SBF2: variants seen among roughly 807,000 people sequenced by gnomAD.
SBF2 encodes the protein SET binding factor 2, also known as myotubularin-related protein 13.
A neutral mutation model predicts 225.2 loss-of-function variants in SBF2; 112 were observed. The observed-to-expected ratio is 0.50, with a 90% CI of 0.43 to 0.58. The LOEUF (loss-of-function observed/expected upper bound fraction) is 0.58, where lower values mean the gene tolerates loss of function less well. SBF2 is among the 20% of genes least tolerant of loss of function. The pLI is 0.00. For missense variants in SBF2, 1,996 were observed against 2,206.2 expected (o/e 0.90, Z 1.91); for synonymous variants, 763 against 773.3 (o/e 0.99, Z 0.22).
intron 1 of SBF2, among the ~76,000 whole-genome samples, chr11:10,214,266 C>T (rs1018513014): frequency 3.3e-5 from 5 of 152,120 alleles, no homozygotes; most frequent in African/African-American, 7.2e-5. Context: ...TTTCTAAATA[C>T]GCCTTGGAGA....
chr11:9,822,496 G>A (rs1190239911), intron 28 of SBF2, among the ~76,000 whole-genome samples: 2 of 152,222 alleles, frequency 1.3e-5, no homozygotes, highest in Admixed American at 6.5e-5. Context: ...TCCTGACCAC[G>A]TGATCCGCCC....
chr11:10,031,243 C>T, intron 3 of SBF2, 73 bp from the exon 4 acceptor site: 1 of 1,395,584 alleles, frequency 7.2e-7, no homozygotes, highest in Non-Finnish European at 1.0e-6. Flanking sequence ...AGATGAATAT[C>T]ACCTTAAATA....
intron 9 of SBF2, among the ~76,000 whole-genome samples, chr11:9,996,396 ATTTTGTT>A (rs1554978498): frequency 6.6e-6 from 1 of 150,858 alleles, no homozygotes; most frequent in Non-Finnish European, 1.5e-5. Context: ...TTTTTTGTTT[ATTTTGTT>A]TTTTGAGATG....
chr11:10,289,112 G>C (rs1316304092), intron 1 of SBF2, among the ~76,000 whole-genome samples: 1 of 152,202 alleles, frequency 6.6e-6, no homozygotes, highest in Admixed American at 6.5e-5. Flanking sequence ...GTGTGTCAGC[G>C]CTGACCTAAG....
chr11:10,288,859 C>G (rs891435018), intron 1 of SBF2, among the ~76,000 whole-genome samples: 1 of 152,194 alleles, frequency 6.6e-6, no homozygotes, highest in Admixed American at 6.5e-5. Context: ...TAGGTGGGCC[C>G]AGAAAAGGTA....
intron 6 of SBF2, among the ~76,000 whole-genome samples, chr11:10,024,619 C>T (rs1418240839): frequency 6.6e-6 from 1 of 152,070 alleles, no homozygotes; most frequent in Non-Finnish European, 1.5e-5. Flanking sequence ...CCTGCTTGTG[C>T]TTCCAAAGAG....
Position 9,821,631 on chromosome 11 carries a change from G to A in SBF2, c.3794-4607C>T, listed in dbSNP as rs563168291. ...AACGTCTCAAGCTGTGTTTTTCCAA[G>A]CTGCAGGATCCTCCTTAGTGGCTTG... On this transcript the variant is annotated intron_variant, in intron 28 of 39. Transcript: ENST00000256190. Among the ~76,000 whole-genome samples, 223 of 152,328 alleles carry A rather than the reference G, an allele frequency of 1.5e-3. 1 individual carries two copies. The highest frequency in any genetic ancestry group is 5.1e-3 in the African/African-American group (211 of 41,570).
At chr11:9,992,593 A>T in intron 11 of SBF2, 50 bp from the exon 12 acceptor site, 6 of 1,562,028 alleles carry the variant, frequency 3.8e-6, no homozygotes, top group Non-Finnish European at 4.4e-6. Context: ...GGTAACGGAC[A>T]AATGGTCAAA....
At chr11:10,038,784 C>A (rs530127015) in intron 3 of SBF2, among the ~76,000 whole-genome samples, 5 of 151,782 alleles carry the variant, frequency 3.3e-5, no homozygotes, top group Non-Finnish European at 7.4e-5. Flanking sequence ...TCACTGAGAA[C>A]TGCATAATTA....
intron 16 of SBF2, among the ~76,000 whole-genome samples, chr11:9,919,573 C>T (rs957344244): frequency 1.3e-5 from 2 of 151,962 alleles, no homozygotes; most frequent in Non-Finnish European, 2.9e-5. Flanking sequence ...GTAATTAGGT[C>T]GTAACAAAAC....
intron 22 of SBF2, among the ~76,000 whole-genome samples, chr11:9,848,939 G>A (rs1259033777): frequency 6.6e-6 from 1 of 152,194 alleles, no homozygotes; most frequent in African/African-American, 2.4e-5. Context: ...ATTTAAAAGA[G>A]AATACATTTT....
chr11:10,237,739 G>T (rs4910108), intron 1 of SBF2, among the ~76,000 whole-genome samples: 79,841 of 151,994 alleles, frequency 0.53, 21,259 homozygotes, highest in Admixed American at 0.61. Flanking sequence ...AGATTCTTTA[G>T]GCACCTTTGT....
Position 9,959,027 on chromosome 11 carries a change from T to C in SBF2, c.1860+2930A>G, listed in dbSNP as rs1450515920. 3.3e-5 allele frequency: 44 copies of C among 1,323,120 alleles called. No individual in the cohort carries two copies. The Admixed American group carries it at 6.9e-4, about 21-fold the overall frequency. 82.0% of individuals were successfully genotyped at this position (1,323,120 alleles called of 1,614,324 possible). A position where few individuals can be genotyped will look rare whatever the true frequency, so the allele number is the denominator to read the frequency against. ...ATGTATTTCAGACCATTCTCCCGCA[T>C]GGCCTTGGTGCTAATGTTGGTATGG... On this transcript the variant is annotated intron_variant, in intron 16 of 39. Coordinates refer to ENST00000256190, the MANE Select transcript of SBF2 (RefSeq NM_030962.4).
At chr11:9,939,994 T>C (rs1376781759) in intron 16 of SBF2, among the ~76,000 whole-genome samples, 1 of 152,180 alleles carries the variant, frequency 6.6e-6, no homozygotes, top group East Asian at 1.9e-4. Flanking sequence ...CTGAATCTCT[T>C]GATATTATAT....
At position 10,143,176 on chromosome 11, in the gene SBF2, AT is replaced by A. The variant is rs201123812; in HGVS notation, c.141+50725del. ...ACATTGTAGGCTCTAGTCAATTATG[AT>A]TTTTTTTTTTTGAGACAGAATTTTG... On this transcript the variant is annotated intron_variant, in intron 2 of 39. Transcript: ENST00000256190. 7.6e-3 allele frequency among the ~76,000 whole-genome samples: 1,119 copies of A among 147,118 alleles called. 7 individuals carry two copies. Among genetic ancestry groups the A allele is most frequent in the East Asian group, 9.1e-3 (46 of 5,062 alleles).
At chr11:10,006,731 T>C (rs1218397368) in intron 6 of SBF2, among the ~76,000 whole-genome samples, 1 of 152,236 alleles carries the variant, frequency 6.6e-6, no homozygotes, top group Non-Finnish European at 1.5e-5. Context: ...CACTTCCTCC[T>C]GGAGCTTCCA....
intron 13 of SBF2, among the ~76,000 whole-genome samples, chr11:9,983,219 A>G (rs1234548199): frequency 6.6e-6 from 1 of 152,134 alleles, no homozygotes; most frequent in South Asian, 2.1e-4. Context: ...CTGCCTGGAA[A>G]CAGACTCAGG....
intron 22 of SBF2, among the ~76,000 whole-genome samples, chr11:9,849,490 A>G (rs1029801611): frequency 6.6e-6 from 1 of 152,228 alleles, no homozygotes; most frequent in Non-Finnish European, 1.5e-5. Context: ...ACTGAATAGT[A>G]GAAAATAGAA....
intron 16 of SBF2, among the ~76,000 whole-genome samples, chr11:9,920,018 C>T (rs1863474783): frequency 6.6e-6 from 1 of 152,008 alleles, no homozygotes; most frequent in Non-Finnish European, 1.5e-5. Context: ...AGGTGTGAGC[C>T]ACCATGCCCG....
Sources: allele counts gnomAD v4.1 joint callset (sites outside exome capture counted in the v4.1 genomes callset), GRCh38; gene constraint gnomAD v4.1.1; transcripts MANE v1.5; gene names NCBI Gene and HGNC (gene_info 2026-07-23, HGNC 2026-07-21).